Variants in STARD9 observed in about 807,000 individuals in gnomAD.
The protein encoded by STARD9 is stAR-related lipid transfer protein 9.
Under a neutral mutation model 399.8 loss-of-function variants are expected in STARD9, and 346 were observed. That is an observed-to-expected ratio of 0.87 (90% CI 0.79 to 0.95). The LOEUF (loss-of-function observed/expected upper bound fraction) is 0.95, where lower values mean the gene tolerates loss of function less well. Among genes scored for constraint, STARD9 ranks in the 40% least tolerant of loss-of-function variants. STARD9 has a pLI of 0.00. For missense variants in STARD9, 5,832 were observed against 5,667.5 expected (o/e 1.03, Z -0.93); for synonymous variants, 2,203 against 2,143.5 (o/e 1.03, Z -0.77).
At chr15:42,705,018 A>G (rs1189909294) in intron 26 of STARD9, among the ~76,000 whole-genome samples, 2 of 152,106 alleles carry the variant, frequency 1.3e-5, no homozygotes, top group African/African-American at 4.8e-5. Flanking sequence ...TGGGGTGGGG[A>G]ATTCCTTTCT....
intron 3 of STARD9, among the ~76,000 whole-genome samples, chr15:42,607,089 A>G (rs755831961): frequency 4.6e-5 from 7 of 150,806 alleles, no homozygotes; most frequent in Admixed American, 3.3e-4. Context: ...CTGGGACTAC[A>G]GGCATGTGCC....
intron 2 of STARD9, 122 bp downstream of exon 2, chr15:42,583,537 G>C (rs1354606948): frequency 4.8e-6 from 3 of 630,968 alleles, no homozygotes; most frequent in Non-Finnish European, 8.1e-6. Flanking sequence ...GTATATAAGA[G>C]GAATAGGGGG....
rs754740576 is a variant in STARD9 at position 42,690,446 on chromosome 15, A to T, written c.8868A>T (p.Pro2956=). The T allele has an allele frequency of 3.3e-6, 5 of 1,537,094 alleles. No individual in the cohort carries two copies. The highest frequency in any genetic ancestry group is 1.2e-5 in the South Asian group (1 of 84,056). ...KESRTLPCRQ[P]CSSQPVATHA... The stretch of plus-strand genomic sequence containing the variant: ...GCAGAACTCTTCCTTGCCGACAGCC[A>T]TGCAGTTCTCAACCTGTTGCTACTC... The change falls in exon 23 of 33, where the codon CCA becomes CCT. Residue 2956 remains proline (P), a synonymous_variant. Coordinates refer to ENST00000290607, the MANE Select transcript of STARD9 (RefSeq NM_020759.3).
At position 42,598,095 on chromosome 15, in the gene STARD9, G is replaced by A. The variant is rs550035034; in HGVS notation, c.234+12458G>A. Among the ~76,000 whole-genome samples, 33 of 150,456 alleles carry A rather than the reference G, an allele frequency of 2.2e-4. No individual in the cohort carries two copies. In the East Asian group the frequency reaches 3.8e-3, roughly 17 times the overall value. Reference sequence around the variant, plus strand: ...CGCTGAGGCTGGAGTGCAGTGGTGCGATCTCGGCTCACTGCAAGCTCCACC... The same window carrying A: ...CGCTGAGGCTGGAGTGCAGTGGTGCAATCTCGGCTCACTGCAAGCTCCACC... On this transcript the variant is annotated intron_variant, in intron 3 of 32. Coordinates refer to ENST00000290607, the MANE Select transcript of STARD9 (RefSeq NM_020759.3).
rs1360037554 is a variant in STARD9, at chr15:42,692,301, C to T, written c.10723C>T (p.Pro3575Ser). 5 of 1,537,024 alleles carry T rather than the reference C, an allele frequency of 3.3e-6. No homozygotes were observed. The Admixed American group carries it at 5.9e-5, about 18-fold the overall frequency. Residue 3575 changes from proline to serine, a missense_variant, in exon 23 of 33, where the codon CCT becomes TCT. By Grantham distance (74) the Pro-to-Ser change is moderately conservative. Coordinates refer to ENST00000290607, the MANE Select transcript of STARD9 (RefSeq NM_020759.3). ...ALGDPHIPTSPEGVAPTSGHD... is the reference protein window; with the variant it reads ...ALGDPHIPTSSEGVAPTSGHD... ...AGGAGACCCCCACATCCCGACGAGC[C>T]CTGAAGGAGTAGCCCCCACTTCGGG...
At chr15:42,699,961 C>T (rs2140330280) in intron 26 of STARD9, among the ~76,000 whole-genome samples, 1 of 152,244 alleles carries the variant, frequency 6.6e-6, no homozygotes, top group Non-Finnish European at 1.5e-5. Context: ...CCTGCCTCGG[C>T]CTCTCAAAGC....
intron 3 of STARD9, among the ~76,000 whole-genome samples, chr15:42,623,934 T>C (rs2059143571): frequency 6.6e-6 from 1 of 152,260 alleles, no homozygotes; most frequent in African/African-American, 2.4e-5. Context: ...GCCCAAATTA[T>C]GTCAGTTAAC....
intron 3 of STARD9, among the ~76,000 whole-genome samples, chr15:42,596,804 A>G (rs1251860723): frequency 1.3e-5 from 2 of 152,248 alleles, no homozygotes; most frequent in Non-Finnish European, 2.9e-5. Flanking sequence ...TTAGCTTATT[A>G]AAATATTTTG....
chr15:42,635,855 C>T (rs1002134214), intron 4 of STARD9, among the ~76,000 whole-genome samples: 22 of 152,114 alleles, frequency 1.4e-4, no homozygotes, highest in African/African-American at 5.3e-4. Context: ...TGTGTTAGAT[C>T]TGTGTGTTGG....
intron 3 of STARD9, among the ~76,000 whole-genome samples, chr15:42,606,712 T>G (rs566410848): frequency 6.6e-6 from 1 of 151,810 alleles, no homozygotes; most frequent in African/African-American, 2.4e-5. Flanking sequence ...TCCTCCCACC[T>G]CAGCCTCCCA....
intron 16 of STARD9, 71 bp from the exon 17 acceptor site, chr15:42,674,369 T>A: frequency 8.4e-7 from 1 of 1,191,278 alleles, no homozygotes; most frequent in Non-Finnish European, 1.2e-6. Flanking sequence ...AATATTCTAA[T>A]GTGGACTCTC....
chr15:42,622,720 C>T (rs970816962), intron 3 of STARD9, among the ~76,000 whole-genome samples: 2 of 152,098 alleles, frequency 1.3e-5, no homozygotes, highest in Admixed American at 1.3e-4. Flanking sequence ...TAAGAGATGA[C>T]AAATGGAAGT....
At position 42,661,167 on chromosome 15, in the gene STARD9, G is replaced by A; in HGVS notation, c.712G>A (p.Glu238Lys). ...FTIHYTQAIL[E>K]NNLPSEMASK... ...ATGTTTTCTCCTCTAGGCAATCCTG[G>A]AGAACAACCTCCCTTCTGAAATGGC... The change falls in exon 10 of 33, where the codon GAG becomes AAG. Residue 238 changes from glutamate (E) to lysine (K), a missense_variant. This residue lies in a region of STARD9 where 5,828 missense variants were observed against 5,651.1 expected (regional missense o/e 1.03). Transcript: ENST00000290607. 1 of 1,536,516 alleles carries A rather than the reference G, an allele frequency of 6.5e-7. No individual in the cohort carries two copies. Among genetic ancestry groups the A allele is most frequent in the Non-Finnish European group, 8.7e-7 (1 of 1,146,380 alleles).
rs116745790 is a variant in STARD9, at chr15:42,687,825, G to C, written c.6247G>C (p.Glu2083Gln). 1.3e-6 allele frequency: 2 copies of C among 1,537,398 alleles called. No individual in the cohort carries two copies. The highest frequency in any genetic ancestry group is 2.4e-5 in the South Asian group (2 of 84,054). Reference sequence around the variant, plus strand: ...TTCCCACACACCAGGAACCGATAAGGAGTTGGTGTTCCAGGACCAGAAGGA... The same window carrying C: ...TTCCCACACACCAGGAACCGATAAGCAGTTGGTGTTCCAGGACCAGAAGGA... ...HASHTPGTDK[E>Q]LVFQDQKEQE... is the part of the protein sequence containing the mutation. The change falls in exon 23 of 33, where the codon GAG becomes CAG. Residue 2083 changes from glutamate (E) to glutamine (Q), a missense_variant. Glu to Gln is a conservative substitution (Grantham distance 29). Coordinates refer to ENST00000290607, the MANE Select transcript of STARD9 (RefSeq NM_020759.3).
chr15:42,595,382 C>A (rs1267260095), intron 3 of STARD9, among the ~76,000 whole-genome samples: 1 of 152,142 alleles, frequency 6.6e-6, no homozygotes, highest in Non-Finnish European at 1.5e-5. Flanking sequence ...CTCCATGGTC[C>A]AAGCTCTCGC....
chr15:42,653,951 T>C (rs2059814605), intron 9 of STARD9, among the ~76,000 whole-genome samples: 1 of 152,186 alleles, frequency 6.6e-6, no homozygotes, highest in South Asian at 2.1e-4. Flanking sequence ...AAAGGAGATA[T>C]ATTTAAGTAG....
At chr15:42,596,917 A>T (rs2058517682) in intron 3 of STARD9, among the ~76,000 whole-genome samples, 1 of 152,188 alleles carries the variant, frequency 6.6e-6, no homozygotes, top group African/African-American at 2.4e-5. Flanking sequence ...CACTCATCTT[A>T]TTCTCTAAAC....
chr15:42,650,544 A>T (rs1018326758), intron 7 of STARD9, among the ~76,000 whole-genome samples: 1 of 152,144 alleles, frequency 6.6e-6, no homozygotes, highest in East Asian at 1.9e-4. Flanking sequence ...CTCCTGTGGC[A>T]CTTGGCCATA....
rs539634142 is a variant in STARD9, at chr15:42,623,916, G to A, written c.235-10940G>A. Among the ~76,000 whole-genome samples the A allele has an allele frequency of 2.0e-5, 3 of 152,326 alleles. No individual in the cohort carries two copies. The East Asian group carries it at 5.8e-4, about 29-fold the overall frequency. ...CAGGGATAGTATCTGGTCCACACTTGGGCCAGGGCCCAAATTATGTCAGTT... is the reference window on the plus strand; with the variant it reads ...CAGGGATAGTATCTGGTCCACACTTAGGCCAGGGCCCAAATTATGTCAGTT... On this transcript the variant is annotated intron_variant, in intron 3 of 32. Transcript: ENST00000290607.
Sources: allele counts gnomAD v4.1 joint callset (sites outside exome capture counted in the v4.1 genomes callset), GRCh38; gene constraint gnomAD v4.1.1; regional missense constraint gnomAD v4.1.1; transcripts MANE v1.5; gene names NCBI Gene and HGNC (gene_info 2026-07-23, HGNC 2026-07-21).